Variants in COL24A1 observed in about 807,000 individuals in gnomAD.
The protein encoded by COL24A1 is collagen alpha-1(XXIV) chain.
Under a neutral mutation model 253.9 loss-of-function variants are expected in COL24A1, and 224 were observed. That is an observed-to-expected ratio of 0.88 (90% CI 0.79 to 0.99). The LOEUF (loss-of-function observed/expected upper bound fraction) is 0.99, where lower values mean the gene tolerates loss of function less well. Ranked by LOEUF, COL24A1 falls within the 50% of genes least tolerant of loss-of-function variation. The pLI, the probability that COL24A1 is intolerant of heterozygous loss-of-function variation, is 0.00. For missense variants in COL24A1, 2,131 were observed against 2,068.5 expected (o/e 1.03, Z -0.59); for synonymous variants, 685 against 673.7 (o/e 1.02, Z -0.26).
At chr1:86,121,493 T>C (rs978095407) in intron 3 of COL24A1, among the ~76,000 whole-genome samples, 1 of 151,992 alleles carries the variant, frequency 6.6e-6, no homozygotes. Context: ...AATGTCAAGA[T>C]GACATTAACG....
chr1:85,995,209 T>A (rs984767492), intron 19 of COL24A1, among the ~76,000 whole-genome samples: 2 of 152,150 alleles, frequency 1.3e-5, no homozygotes, highest in African/African-American at 4.8e-5. Context: ...TGGAGTACAG[T>A]GGCATGATCA....
intron 59 of COL24A1, among the ~76,000 whole-genome samples, chr1:85,734,026 C>A (rs921299394): frequency 5.3e-5 from 8 of 151,580 alleles, no homozygotes; most frequent in Admixed American, 3.9e-4. Flanking sequence ...CCTCAGTCTC[C>A]CAGGTAGCTG....
chr1:85,923,828 A>C (rs1185605522), intron 24 of COL24A1, among the ~76,000 whole-genome samples: 1 of 152,234 alleles, frequency 6.6e-6, no homozygotes, highest in Non-Finnish European at 1.5e-5. Context: ...ATCAGAGCAG[A>C]ACTGAAGGAG....
chr1:85,957,274 G>A (rs1338674497), intron 24 of COL24A1, among the ~76,000 whole-genome samples: 1 of 152,064 alleles, frequency 6.6e-6, no homozygotes, highest in Non-Finnish European at 1.5e-5. Context: ...GGGTTGATGG[G>A]TGCAGCAAAC....
At chr1:86,133,770 G>A (rs1311164834) in intron 2 of COL24A1, among the ~76,000 whole-genome samples, 9 of 151,354 alleles carry the variant, frequency 5.9e-5, no homozygotes, top group African/African-American at 2.2e-4. Context: ...TATTGAGGAT[G>A]TTTGCATTGA....
At chr1:86,135,099 C>A (rs553943564) in intron 2 of COL24A1, among the ~76,000 whole-genome samples, 1 of 151,836 alleles carries the variant, frequency 6.6e-6, no homozygotes, top group Non-Finnish European at 1.5e-5. Context: ...TTTACCATTA[C>A]GTAATGGCCT....
intron 43 of COL24A1, among the ~76,000 whole-genome samples, chr1:85,829,746 G>C (rs1236984662): frequency 6.6e-6 from 1 of 151,870 alleles, no homozygotes; most frequent in African/African-American, 2.4e-5. Flanking sequence ...TCTTCACGTA[G>C]TTCTCGAGCC....
chr1:86,074,540 C>T (rs1054371620), intron 7 of COL24A1, among the ~76,000 whole-genome samples: 2 of 152,134 alleles, frequency 1.3e-5, no homozygotes, highest in Admixed American at 6.5e-5. Context: ...CAATATTAGA[C>T]AGATCAATGA....
rs116677383 is a variant in COL24A1 at position 86,111,572 on chromosome 1, G to A, written c.1599+995C>T. ...AAATGGACCGATCAGCAGGATGTGG[G>A]TGAAGTCAGAAAAGGGGATAAAAGC... is the stretch of plus-strand genomic sequence containing the variant. On this transcript the variant is annotated intron_variant, in intron 5 of 59. Coordinates refer to ENST00000370571, the MANE Select transcript of COL24A1 (RefSeq NM_152890.7). Among the ~76,000 whole-genome samples, 795 of 138,800 alleles carry A rather than the reference G, an allele frequency of 5.7e-3. 6 individuals are homozygous for A. The highest frequency in any genetic ancestry group is 0.02 in the African/African-American group (764 of 38,474). The allele number at this position is 138,800 out of a possible 152,430, so 91.1% of individuals were successfully genotyped here.
rs1026198340 is a variant in COL24A1, at chr1:86,063,826, GGTTGCAA to G, written c.1708-74_1708-68del. The G allele has an allele frequency of 4.9e-6, 6 of 1,216,626 alleles. No individual in the cohort carries two copies. The Admixed American group carries it at 8.0e-5, about 16-fold the overall frequency. 75.4% of individuals were successfully genotyped at this position (1,216,626 alleles called of 1,614,324 possible). ...CATATAAGCCAAATAACGAAACATA[GGTTGCAA>G]GTTGCCTTATATCCCAACTTTTGGT... On this transcript the variant is annotated intron_variant, in intron 7 of 59. Coordinates refer to ENST00000370571, the MANE Select transcript of COL24A1 (RefSeq NM_152890.7).
chr1:86,108,051 A>T (rs1705172515), intron 5 of COL24A1, among the ~76,000 whole-genome samples: 1 of 152,210 alleles, frequency 6.6e-6, no homozygotes, highest in Non-Finnish European at 1.5e-5. Context: ...GTCAAAATTA[A>T]GTCCATCCTA....
chr1:86,058,561 C>T (rs1700829258), intron 9 of COL24A1, among the ~76,000 whole-genome samples: 2 of 151,102 alleles, frequency 1.3e-5, no homozygotes, highest in Non-Finnish European at 3.0e-5. Context: ...TAGAAGTAAT[C>T]AATTCATGAA....
intron 2 of COL24A1, among the ~76,000 whole-genome samples, chr1:86,142,553 A>C (rs1236491862): frequency 6.6e-6 from 1 of 151,682 alleles, no homozygotes; most frequent in Non-Finnish European, 1.5e-5. Flanking sequence ...AAAAACAAAA[A>C]AAACAATTTA....
At chr1:86,152,681 T>C (rs11161759) in intron 1 of COL24A1, among the ~76,000 whole-genome samples, 12,744 of 152,156 alleles carry the variant, frequency 0.084, 621 homozygotes, top group East Asian at 0.22. Context: ...GTGTCTAGAG[T>C]CCAGTCAGTA....
intron 47 of COL24A1, among the ~76,000 whole-genome samples, chr1:85,798,987 T>C (rs1330065521): frequency 6.6e-6 from 1 of 152,126 alleles, no homozygotes; most frequent in African/African-American, 2.4e-5. Context: ...TGAGGTACTA[T>C]GCTTGTACAG....
chr1:85,974,910 T>A (rs558108238), intron 20 of COL24A1, among the ~76,000 whole-genome samples: 1 of 152,252 alleles, frequency 6.6e-6, no homozygotes, highest in African/African-American at 2.4e-5. Flanking sequence ...AAATGATACA[T>A]AGAATATAAC....
chr1:85,985,577 A>G lies in COL24A1; in HGVS notation c.2364+2024T>C, dbSNP rs74804783. ...GAAGGTAGATAGGAAGAAATGCCAGATTGGAGGCAGGAAGAACAACTACTG... is the reference window on the plus strand; with the variant it reads ...GAAGGTAGATAGGAAGAAATGCCAGGTTGGAGGCAGGAAGAACAACTACTG... On this transcript the variant is annotated intron_variant, in intron 20 of 59. Transcript: ENST00000370571. Among the ~76,000 whole-genome samples the G allele has an allele frequency of 8.0e-3, 1,214 of 151,966 alleles. 7 individuals are homozygous for G. The highest frequency in any genetic ancestry group is 0.012 in the Non-Finnish European group (842 of 67,766).
chr1:85,792,523 T>TA (rs34566729), intron 47 of COL24A1, among the ~76,000 whole-genome samples: 93,726 of 127,968 alleles, frequency 0.73, 34,773 homozygotes, highest in Non-Finnish European at 0.8. Flanking sequence ...ACCCCATCTC[T>TA]AAAAAAAAAA....
chr1:85,845,008 GGATGGAATGAAGAAC>G (rs991890423), intron 39 of COL24A1, among the ~76,000 whole-genome samples: 1 of 151,620 alleles, frequency 6.6e-6, no homozygotes, highest in Non-Finnish European at 1.5e-5. Flanking sequence ...CATTAAAAAA[GGATGGAATGAAGAAC>G]GATGGAATGA....
Sources: gnomAD v4.1 joint callset for allele counts (sites outside exome capture counted in the v4.1 genomes callset) on GRCh38, gnomAD v4.1.1 for gene constraint, MANE v1.5 for transcripts, NCBI Gene and HGNC (gene_info 2026-07-23, HGNC 2026-07-21) for gene names.